PABPC4L: variants seen among roughly 807,000 people sequenced by gnomAD.
The protein encoded by PABPC4L is poly(A) binding protein cytoplasmic 4 like.
For missense variants in PABPC4L, 452 were observed against 451.4 expected (o/e 1.00, Z -0.01); for synonymous variants, 169 against 164.1 (o/e 1.03, Z -0.23).
chr4:134,110,746 T>C, the PABPC4L span, among the ~76,000 whole-genome samples: 1 of 150,622 alleles, frequency 6.6e-6, no homozygotes, highest in African/African-American at 2.5e-5. Flanking sequence ...AAATCATCTC[T>C]AGATTACTTA....
At chr4:134,019,981 A>C in the PABPC4L span, among the ~76,000 whole-genome samples, 1 of 152,150 alleles carries the variant, frequency 6.6e-6, no homozygotes, top group African/African-American at 2.4e-5. Flanking sequence ...TCACCTATCA[A>C]GTGGCCAGAA....
the PABPC4L span, among the ~76,000 whole-genome samples, chr4:134,016,328 A>C: frequency 6.6e-6 from 1 of 152,080 alleles, no homozygotes; most frequent in African/African-American, 2.4e-5. Flanking sequence ...ACCATCATGC[A>C]AGAGGTTTCC....
chr4:134,096,838 A>C, the PABPC4L span, among the ~76,000 whole-genome samples: 1 of 152,014 alleles, frequency 6.6e-6, no homozygotes, highest in Admixed American at 6.6e-5. Context: ...TTTGGTGTCC[A>C]GTAACTTTTA....
the PABPC4L span, among the ~76,000 whole-genome samples, chr4:134,016,566 A>G: frequency 6.6e-6 from 1 of 152,088 alleles, no homozygotes; most frequent in African/African-American, 2.4e-5. Context: ...GGTCACTCCC[A>G]CTGATCCTTC....
the PABPC4L span, among the ~76,000 whole-genome samples, chr4:134,135,985 G>A: frequency 2.0e-5 from 3 of 151,866 alleles, no homozygotes; most frequent in Non-Finnish European, 4.4e-5. Context: ...TATAAAAATA[G>A]CATCTTTCCA....
the PABPC4L span, among the ~76,000 whole-genome samples, chr4:134,122,810 T>G: frequency 6.6e-6 from 1 of 151,980 alleles, no homozygotes; most frequent in African/African-American, 2.4e-5. Context: ...ATATGCTTCT[T>G]CTACTTATGT....
chr4:134,181,110 A>G, the PABPC4L span, among the ~76,000 whole-genome samples: 1 of 152,012 alleles, frequency 6.6e-6, no homozygotes, highest in Non-Finnish European at 1.5e-5. Context: ...ACATAAGTGC[A>G]AAAATCCTCA....
At chr4:134,115,880 A>G in the PABPC4L span, among the ~76,000 whole-genome samples, 1 of 151,810 alleles carries the variant, frequency 6.6e-6, no homozygotes, top group Admixed American at 6.6e-5. Flanking sequence ...AACTGATTGG[A>G]AGAGGAAGGA....
the PABPC4L span, among the ~76,000 whole-genome samples, chr4:134,041,924 G>A: frequency 1.3e-5 from 2 of 151,964 alleles, no homozygotes; most frequent in African/African-American, 4.8e-5. Context: ...CCACTAATAA[G>A]TATCTACCCA....
chr4:134,144,642 T>C, the PABPC4L span, among the ~76,000 whole-genome samples: 3 of 151,390 alleles, frequency 2.0e-5, no homozygotes, highest in African/African-American at 4.8e-5. Context: ...AAACCTACTA[T>C]AAACTAGTGG....
At chr4:133,998,739 T>C in the PABPC4L span, among the ~76,000 whole-genome samples, 1 of 150,774 alleles carries the variant, frequency 6.6e-6, no homozygotes, top group African/African-American at 2.5e-5. Context: ...TAATTATGGT[T>C]TTTTTTTTCT....
Position 134,198,953 on chromosome 4 carries a change from C to T in PABPC4L, c.*954G>A, listed in dbSNP as rs1729754161. 1 of 151,924 alleles carries T rather than the reference C, an allele frequency of 6.6e-6. No individual in the cohort carries two copies. Among genetic ancestry groups the T allele is most frequent in the Admixed American group, 6.6e-5 (1 of 15,244 alleles). The allele number at this position is 151,924 out of a possible 1,614,324, so 9.4% of individuals were successfully genotyped here. On this transcript the variant is annotated 3_prime_UTR_variant, in exon 2 of 2. Transcript: ENST00000421491. Reference sequence around the variant, plus strand: ...ATGTGAGTACATAAAAATAGAGGAACTTACTTTTCTGAACCCTAAGAGAAA... The same window carrying T: ...ATGTGAGTACATAAAAATAGAGGAATTTACTTTTCTGAACCCTAAGAGAAA...
At chr4:134,154,496 T>C in the PABPC4L span, among the ~76,000 whole-genome samples, 1 of 152,020 alleles carries the variant, frequency 6.6e-6, no homozygotes, top group African/African-American at 2.4e-5. Flanking sequence ...CCCTATCCTT[T>C]TGAATTTTAC....
chr4:134,109,696 G>A, the PABPC4L span, among the ~76,000 whole-genome samples: 25 of 151,674 alleles, frequency 1.6e-4, no homozygotes, highest in South Asian at 4.2e-3. Flanking sequence ...TGATCACAAG[G>A]AGAATCTTGA....
At chr4:134,167,975 C>A in the PABPC4L span, among the ~76,000 whole-genome samples, 1 of 151,992 alleles carries the variant, frequency 6.6e-6, no homozygotes, top group South Asian at 2.1e-4. Flanking sequence ...CATATAACAG[C>A]AGCCAACTTC....
At chr4:134,158,292 G>C in the PABPC4L span, among the ~76,000 whole-genome samples, 1 of 151,864 alleles carries the variant, frequency 6.6e-6, no homozygotes, top group Admixed American at 6.6e-5. Context: ...TTAACCTACA[G>C]ATACTTTATT....
chr4:134,021,212 T>A, the PABPC4L span, among the ~76,000 whole-genome samples: 1 of 152,094 alleles, frequency 6.6e-6, no homozygotes, highest in Non-Finnish European at 1.5e-5. Context: ...AAGGAAGTAA[T>A]CTTAAGAAAG....
At chr4:134,039,164 G>A in the PABPC4L span, among the ~76,000 whole-genome samples, 45 of 152,026 alleles carry the variant, frequency 3.0e-4, no homozygotes, top group Non-Finnish European at 3.4e-4. Context: ...GAGTTCTAAC[G>A]TCACTGCACT....
the PABPC4L span, among the ~76,000 whole-genome samples, chr4:133,952,768 C>A: frequency 7.9e-5 from 12 of 152,092 alleles, no homozygotes; most frequent in Admixed American, 3.3e-4. Flanking sequence ...CTCCTCTACT[C>A]CTAATCCTAA....
Sources: allele counts gnomAD v4.1 joint callset (sites outside exome capture counted in the v4.1 genomes callset), GRCh38; gene constraint gnomAD v4.1.1; transcripts MANE v1.5; gene names NCBI Gene and HGNC (gene_info 2026-07-23, HGNC 2026-07-21).